Variants in ANXA8 observed in about 807,000 individuals in gnomAD.
The protein encoded by ANXA8 is annexin A8.
In ANXA8, 9 loss-of-function variants were observed where a neutral mutation model predicts 26.8. That is an observed-to-expected ratio of 0.34 (90% CI 0.20 to 0.59). The LOEUF (loss-of-function observed/expected upper bound fraction) is 0.59, where lower values mean the gene tolerates loss of function less well. Among genes scored for constraint, ANXA8 ranks in the 20% least tolerant of loss-of-function variants. The probability of loss-of-function intolerance (pLI) is 0.84; values close to 1 mark genes in which losing one functional copy is unlikely to be tolerated. For synonymous variants in ANXA8, 39 were observed against 94.8 expected, an observed-to-expected ratio of 0.41 and a Z score of 3.42; for missense variants, 83 against 238.5, an observed-to-expected ratio of 0.35 and a Z score of 4.29.
chr10:47,588,415 C>G, the ANXA8 span, among the ~76,000 whole-genome samples: 2 of 134,784 alleles, frequency 1.5e-5, no homozygotes, highest in East Asian at 3.9e-4. Context: ...AGAACTGGAG[C>G]CTTTCTTAAC....
the ANXA8 span, among the ~76,000 whole-genome samples, chr10:47,671,434 A>G: frequency 6.6e-6 from 1 of 151,848 alleles, no homozygotes; most frequent in Non-Finnish European, 1.5e-5. Context: ...AAACAAAACA[A>G]AACAAAACAA....
chr10:47,679,493 T>A, the ANXA8 span, among the ~76,000 whole-genome samples: 1 of 151,996 alleles, frequency 6.6e-6, no homozygotes, highest in Non-Finnish European at 1.5e-5. Flanking sequence ...CACTTGTCTG[T>A]AATCCCACTT....
chr10:47,681,235 G>A, the ANXA8 span, among the ~76,000 whole-genome samples: 2,905 of 131,272 alleles, frequency 0.022, 25 homozygotes, highest in Middle Eastern at 0.072. Context: ...AGTAGAGCAC[G>A]GGGAAAAAGA....
At chr10:47,985,663 C>A in the ANXA8 span, 1 of 133,094 alleles carries the variant, frequency 7.5e-6, no homozygotes, top group South Asian at 2.7e-4. Flanking sequence ...CTAGCACCCC[C>A]AAAAAGTTAT....
Position 47,474,246 on chromosome 10 carries a change from G to C in ANXA8, c.646+59C>G, listed in dbSNP as rs1327082636. On this transcript the variant is annotated intron_variant, in intron 8 of 11. Transcript: ENST00000585281. ...CTTGACAAGGCAGAAGCACGAGGGA[G>C]AGGCTCATGGCCAGGACACCCCCTG... is the stretch of plus-strand genomic sequence containing the variant. The C allele has an allele frequency of 5.0e-4, 789 of 1,577,646 alleles. 50 individuals are homozygous for C. The South Asian group carries it at 8.5e-3, about 17-fold the overall frequency.
At chr10:47,661,832 G>C in the ANXA8 span, among the ~76,000 whole-genome samples, 98 of 139,632 alleles carry the variant, frequency 7.0e-4, no homozygotes, top group African/African-American at 2.7e-3. Context: ...ACAGGCATGA[G>C]TCCCAGTAAG....
chr10:47,957,722 GTTC>G, the ANXA8 span, among the ~76,000 whole-genome samples: 7 of 148,858 alleles, frequency 4.7e-5, no homozygotes, highest in Non-Finnish European at 7.4e-5. Context: ...TCCAGGCAAG[GTTC>G]TTCTTTGCTT....
chr10:47,778,101 C>A, the ANXA8 span, among the ~76,000 whole-genome samples: 759 of 151,716 alleles, frequency 5.0e-3, 4 homozygotes, highest in Admixed American at 8.7e-3. Context: ...TCCTCTGGGG[C>A]AAGTACAGGT....
At chr10:47,950,405 C>T in the ANXA8 span, among the ~76,000 whole-genome samples, 9 of 152,160 alleles carry the variant, frequency 5.9e-5, no homozygotes, top group Non-Finnish European at 1.2e-4. Flanking sequence ...TTAATTGATG[C>T]CTATAGAACC....
the ANXA8 span, among the ~76,000 whole-genome samples, chr10:47,673,433 T>C: frequency 6.6e-6 from 1 of 150,770 alleles, no homozygotes; most frequent in Non-Finnish European, 1.5e-5. Context: ...CACCAAGGAC[T>C]GGGGACAGGG....
At chr10:47,590,580 T>C in the ANXA8 span, among the ~76,000 whole-genome samples, 1 of 146,392 alleles carries the variant, frequency 6.8e-6, no homozygotes, top group Non-Finnish European at 1.5e-5. Flanking sequence ...ATTAAAACTA[T>C]TAACAACAAC....
chr10:47,954,675 A>G, the ANXA8 span, among the ~76,000 whole-genome samples: 3 of 150,966 alleles, frequency 2.0e-5, no homozygotes, highest in Non-Finnish European at 2.9e-5. Flanking sequence ...ATAAATATAT[A>G]CACCTACTAT....
the ANXA8 span, among the ~76,000 whole-genome samples, chr10:47,988,005 ACTGTCT>A: frequency 1.9e-5 from 1 of 52,276 alleles, no homozygotes; most frequent in African/African-American, 9.4e-5. Context: ...AAGCTTCCCC[ACTGTCT>A]CTGGAAATCG....
At chr10:47,647,678 A>T in the ANXA8 span, among the ~76,000 whole-genome samples, 1 of 149,018 alleles carries the variant, frequency 6.7e-6, no homozygotes, top group Non-Finnish European at 1.5e-5. Flanking sequence ...TGGGCAACAA[A>T]AAAGCATATA....
At chr10:47,896,592 C>T in the ANXA8 span, among the ~76,000 whole-genome samples, 1 of 151,246 alleles carries the variant, frequency 6.6e-6, no homozygotes, top group Non-Finnish European at 1.5e-5. Flanking sequence ...TGGCTCTGTC[C>T]TCCTTCACCC....
chr10:47,665,276 A>G, the ANXA8 span, among the ~76,000 whole-genome samples: 1 of 149,608 alleles, frequency 6.7e-6, no homozygotes, highest in Admixed American at 6.6e-5. Context: ...TATATTATTA[A>G]AACTCAACTT....
At chr10:47,665,121 A>T in the ANXA8 span, among the ~76,000 whole-genome samples, 45 of 149,412 alleles carry the variant, frequency 3.0e-4, 2 homozygotes, top group African/African-American at 9.8e-4. Context: ...TTAAGTTTGC[A>T]GTTGATAACC....
chr10:47,631,257 G>A, the ANXA8 span, among the ~76,000 whole-genome samples: 2 of 151,570 alleles, frequency 1.3e-5, no homozygotes, highest in Admixed American at 1.3e-4. Context: ...ATAAATTCAG[G>A]ATTCAGGAAG....
the ANXA8 span, among the ~76,000 whole-genome samples, chr10:47,619,320 T>C: frequency 1.8e-5 from 2 of 113,106 alleles, no homozygotes; most frequent in Non-Finnish European, 3.9e-5. Flanking sequence ...AAGAATGACA[T>C]AAACTGCTAT....
Sources: gnomAD v4.1 joint callset for allele counts (sites outside exome capture counted in the v4.1 genomes callset) on GRCh38, gnomAD v4.1.1 for gene constraint, MANE v1.5 for transcripts, NCBI Gene and HGNC (gene_info 2026-07-23, HGNC 2026-07-21) for gene names.